DDX10: variants seen among roughly 807,000 people sequenced by gnomAD.
The protein encoded by DDX10 is probable ATP-dependent RNA helicase DDX10.
In DDX10, 74 loss-of-function variants were observed where a neutral mutation model predicts 104.3. The ratio of observed to expected loss-of-function variants is 0.71; its 90% CI spans 0.59 to 0.86. The LOEUF is 0.86. Ranked by LOEUF, DDX10 falls within the 40% of genes least tolerant of loss-of-function variation. DDX10 has a pLI of 0.00. For missense variants in DDX10, 952 were observed against 1,040.0 expected, an observed-to-expected ratio of 0.92 and a Z score of 1.16; for synonymous variants, 351 against 353.4, an observed-to-expected ratio of 0.99 and a Z score of 0.08.
chr11:108,809,892 TAG>T (rs1188698336), intron 13 of DDX10, among the ~76,000 whole-genome samples: 2 of 152,320 alleles, frequency 1.3e-5, no homozygotes, highest in East Asian at 3.9e-4. Flanking sequence ...CAAAAATTGA[TAG>T]AGTTTTATAC....
chr11:108,879,610 C>T (rs1254466700), intron 16 of DDX10, among the ~76,000 whole-genome samples: 1 of 152,056 alleles, frequency 6.6e-6, no homozygotes, highest in Non-Finnish European at 1.5e-5. Context: ...ATGTTGAAGG[C>T]CCCAAAAGAC....
intron 16 of DDX10, among the ~76,000 whole-genome samples, chr11:108,892,630 G>A (rs1164728899): frequency 6.6e-6 from 1 of 152,106 alleles, no homozygotes; most frequent in African/African-American, 2.4e-5. Context: ...TTGAAAATAT[G>A]TGAGTACTAT....
intron 13 of DDX10, among the ~76,000 whole-genome samples, chr11:108,764,777 A>G (rs1341533527): frequency 6.6e-6 from 1 of 152,202 alleles, no homozygotes; most frequent in Non-Finnish European, 1.5e-5. Flanking sequence ...ATTTCTCAGC[A>G]TTACTTTCTT....
chr11:108,754,418 G>C (rs920954314), intron 13 of DDX10, among the ~76,000 whole-genome samples: 1 of 151,954 alleles, frequency 6.6e-6, no homozygotes, highest in African/African-American at 2.4e-5. Flanking sequence ...CGAGTTTTCA[G>C]GTGGAATGAG....
chr11:108,784,369 G>C (rs1220102745), intron 13 of DDX10, among the ~76,000 whole-genome samples: 1 of 151,936 alleles, frequency 6.6e-6, no homozygotes, highest in Non-Finnish European at 1.5e-5. Context: ...ATCTCTTTGT[G>C]GTTTTGATTT....
At chr11:108,708,641 C>T (rs1391414663) in intron 10 of DDX10, among the ~76,000 whole-genome samples, 1 of 150,246 alleles carries the variant, frequency 6.7e-6, no homozygotes, top group Non-Finnish European at 1.5e-5. Context: ...AATCTTGGCT[C>T]ACTGGAACCT....
chr11:108,906,053 C>T (rs1488427923), intron 16 of DDX10, among the ~76,000 whole-genome samples: 2 of 152,202 alleles, frequency 1.3e-5, no homozygotes, highest in Admixed American at 1.3e-4. Flanking sequence ...AGTGGGGACA[C>T]AGATCCAAAT....
At position 108,716,720 on chromosome 11, in the gene DDX10, A is replaced by T. The variant is rs181092411; in HGVS notation, c.1410+754A>T. Among the ~76,000 whole-genome samples, 747 of 152,318 alleles carry T rather than the reference A, an allele frequency of 4.9e-3. 8 individuals carry two copies. Among genetic ancestry groups the T allele is most frequent in the Non-Finnish European group, 8.0e-3 (542 of 68,030 alleles). Reference sequence around the variant, plus strand: ...TACGTTTATGACTTGTTGTTCCCCAATTACTTTTCTGGACTTAAAGATCTT... The same window carrying T: ...TACGTTTATGACTTGTTGTTCCCCATTTACTTTTCTGGACTTAAAGATCTT... On this transcript the variant is annotated intron_variant, in intron 11 of 17. Transcript: ENST00000322536.
At chr11:108,719,635 A>G (rs982684752) in intron 11 of DDX10, among the ~76,000 whole-genome samples, 162 bp from the exon 12 acceptor site, 1 of 152,168 alleles carries the variant, frequency 6.6e-6, no homozygotes, top group Non-Finnish European at 1.5e-5. Flanking sequence ...TTACAGTTCT[A>G]AAAGGTAGGT....
At chr11:108,733,159 T>C (rs141941625) in intron 13 of DDX10, among the ~76,000 whole-genome samples, 22 of 151,858 alleles carry the variant, frequency 1.4e-4, no homozygotes, top group African/African-American at 5.1e-4. Context: ...CTGTAAGAAC[T>C]CACTGTTGGT....
intron 16 of DDX10, among the ~76,000 whole-genome samples, chr11:108,895,164 A>T (rs2134643227): frequency 6.6e-6 from 1 of 152,168 alleles, no homozygotes; most frequent in African/African-American, 2.4e-5. Flanking sequence ...AAATGCTTGG[A>T]CAGTAAAATT....
intron 16 of DDX10, among the ~76,000 whole-genome samples, chr11:108,887,269 A>G (rs1351728138): frequency 6.6e-6 from 1 of 152,152 alleles, no homozygotes; most frequent in African/African-American, 2.4e-5. Context: ...AGTCAAGGCT[A>G]TTAATAATAG....
intron 13 of DDX10, among the ~76,000 whole-genome samples, chr11:108,819,531 TACA>T (rs1344497602): frequency 6.6e-6 from 1 of 152,204 alleles, no homozygotes; most frequent in African/African-American, 2.4e-5. Context: ...GGTGTCCCAG[TACA>T]ACATGTTTTA....
intron 13 of DDX10, among the ~76,000 whole-genome samples, chr11:108,780,294 C>A (rs893805567): frequency 6.6e-6 from 1 of 152,128 alleles, no homozygotes. Flanking sequence ...GAGGAAGGAA[C>A]AGAGTTTAAT....
chr11:108,673,406 G>C (rs2134435943), intron 1 of DDX10, 61 bp from the exon 2 acceptor site: 1 of 1,116,390 alleles, frequency 9.0e-7, no homozygotes, highest in South Asian at 1.3e-5. Flanking sequence ...ACAATGTAGA[G>C]AAGAAATGGC....
intron 13 of DDX10, among the ~76,000 whole-genome samples, chr11:108,828,245 T>C (rs1028058297): frequency 6.6e-6 from 1 of 152,196 alleles, no homozygotes; most frequent in Non-Finnish European, 1.5e-5. Context: ...GAGATTCTGG[T>C]GTACCCATCA....
chr11:108,867,437 C>T (rs1339802355), intron 16 of DDX10, among the ~76,000 whole-genome samples: 1 of 152,072 alleles, frequency 6.6e-6, no homozygotes, highest in East Asian at 1.9e-4. Context: ...TCAATTTAGG[C>T]CAATAATTTT....
At chr11:108,701,768 C>A (rs1420729122) in intron 9 of DDX10, among the ~76,000 whole-genome samples, 1 of 141,444 alleles carries the variant, frequency 7.1e-6, no homozygotes, top group African/African-American at 2.5e-5. Flanking sequence ...CTCACTGCAA[C>A]CTCTGCCTCC....
At chr11:108,856,322 T>G (rs1862869020) in intron 16 of DDX10, among the ~76,000 whole-genome samples, 1 of 151,876 alleles carries the variant, frequency 6.6e-6, no homozygotes, top group African/African-American at 2.4e-5. Context: ...CCCAGCATAC[T>G]CGGGAGGGTG....
Sources: allele counts gnomAD v4.1 joint callset (sites outside exome capture counted in the v4.1 genomes callset), GRCh38; gene constraint gnomAD v4.1.1; transcripts MANE v1.5; gene names NCBI Gene and HGNC (gene_info 2026-07-23, HGNC 2026-07-21).